CAB39: variants seen among roughly 807,000 people sequenced by gnomAD.
CAB39 encodes calcium binding protein 39, also known as calcium-binding protein 39.
In CAB39, 8 loss-of-function variants were observed where a neutral mutation model predicts 40.0. The ratio of observed to expected loss-of-function variants is 0.20; its 90% CI spans 0.12 to 0.36. The LOEUF (loss-of-function observed/expected upper bound fraction) is 0.36, where lower values mean the gene tolerates loss of function less well. Among genes scored for constraint, CAB39 ranks in the 10% least tolerant of loss-of-function variants. CAB39 has a pLI of 1.00. For missense variants in CAB39, 270 were observed against 401.1 expected, an observed-to-expected ratio of 0.67 and a Z score of 2.79; for synonymous variants, 156 against 141.6, an observed-to-expected ratio of 1.10 and a Z score of -0.72.
chr2:230,775,317 C>T (rs1695567555), intron 2 of CAB39, among the ~76,000 whole-genome samples: 1 of 148,214 alleles, frequency 6.7e-6, no homozygotes, highest in African/African-American at 2.5e-5. Flanking sequence ...CTCACCGCAA[C>T]CTCCGCCTCC....
chr2:230,741,594 G>C (rs573187858), intron 1 of CAB39, among the ~76,000 whole-genome samples: 1 of 152,230 alleles, frequency 6.6e-6, no homozygotes, highest in East Asian at 1.9e-4. Context: ...TCCTGCCTCA[G>C]CCTCCTGAGT....
chr2:230,733,939 A>T (rs1445577532), intron 1 of CAB39, among the ~76,000 whole-genome samples: 1 of 152,186 alleles, frequency 6.6e-6, no homozygotes, highest in Non-Finnish European at 1.5e-5. Flanking sequence ...TTTACACTTT[A>T]ATTTTTTTCT....
Position 230,724,819 on chromosome 2 carries a change from G to T in CAB39, c.-44+11589G>T, listed in dbSNP as rs1331990097. 4.3e-4 allele frequency among the ~76,000 whole-genome samples: 61 copies of T among 142,622 alleles called. 1 individual carries two copies. In the Admixed American group the frequency reaches 4.4e-3, roughly 10 times the overall value. 93.6% of individuals were successfully genotyped at this position (142,622 alleles called of 152,430 possible). A position where few individuals can be genotyped will look rare whatever the true frequency, so the allele number is the denominator to read the frequency against. ...AAAAAACTTTACAAGGACAGTGACT[G>T]TTGTGCCAAAAAAGGAGCCAAATGG... is the stretch of plus-strand genomic sequence containing the variant. On this transcript the variant is annotated intron_variant, in intron 1 of 8. Coordinates refer to ENST00000258418, the MANE Select transcript of CAB39 (RefSeq NM_016289.4).
intron 5 of CAB39, chr2:230,799,113 A>T: frequency 2.2e-6 from 1 of 453,100 alleles, no homozygotes; most frequent in Non-Finnish European, 3.9e-6. Context: ...AAAAGACAAA[A>T]GTCCTGTGTG....
intron 1 of CAB39, among the ~76,000 whole-genome samples, chr2:230,754,464 TCTTCCCCTCCTA>T (rs1695153248): frequency 7.1e-6 from 1 of 141,138 alleles, no homozygotes; most frequent in African/African-American, 2.7e-5. Context: ...TTTCCCTCCT[TCTTCCCCTCCTA>T]CTCCTTCCGC....
chr2:230,810,773 C>G (rs1696290555), intron 6 of CAB39, among the ~76,000 whole-genome samples: 1 of 152,186 alleles, frequency 6.6e-6, no homozygotes, highest in Non-Finnish European at 1.5e-5. Context: ...GTGGCCATGG[C>G]CAAGGCAGTT....
chr2:230,801,128 G>A (rs1244400746), intron 5 of CAB39, among the ~76,000 whole-genome samples: 1 of 152,194 alleles, frequency 6.6e-6, no homozygotes, highest in Non-Finnish European at 1.5e-5. Flanking sequence ...GGAAGGAGCT[G>A]AGAGGAGAGG....
intron 4 of CAB39, among the ~76,000 whole-genome samples, chr2:230,797,751 G>A (rs1696014070): frequency 6.6e-6 from 1 of 151,214 alleles, no homozygotes; most frequent in Non-Finnish European, 1.5e-5. Flanking sequence ...CAAGAAATGG[G>A]AACAGTCAGA....
intron 5 of CAB39, among the ~76,000 whole-genome samples, chr2:230,803,598 C>G (rs1311018407): frequency 6.6e-6 from 1 of 152,190 alleles, no homozygotes; most frequent in African/African-American, 2.4e-5. Context: ...CACAAGCATT[C>G]TTATACACCA....
At chr2:230,759,435 AGATACTATCAATTT>A (rs1391869183) in intron 1 of CAB39, among the ~76,000 whole-genome samples, 8 of 152,232 alleles carry the variant, frequency 5.3e-5, no homozygotes, top group African/African-American at 1.7e-4. Context: ...GCTGTAAAAT[AGATACTATCAATTT>A]GATGTACAGT....
intron 4 of CAB39, among the ~76,000 whole-genome samples, chr2:230,797,570 C>T (rs192400314): frequency 1.4e-3 from 209 of 151,980 alleles, no homozygotes; most frequent in African/African-American, 4.8e-3. Flanking sequence ...TGATTTGAGA[C>T]ACGTTGAGTT....
At chr2:230,716,095 C>T (rs1285410925) in intron 1 of CAB39, among the ~76,000 whole-genome samples, 2 of 152,152 alleles carry the variant, frequency 1.3e-5, no homozygotes. Context: ...ATGTATTTTA[C>T]ATTCTAAGGT....
chr2:230,767,944 A>C (rs559642665), intron 2 of CAB39, among the ~76,000 whole-genome samples: 2 of 152,244 alleles, frequency 1.3e-5, no homozygotes, highest in South Asian at 4.1e-4. Context: ...CCTCTATTTA[A>C]AATGCAACCC....
At chr2:230,796,812 C>T (rs1695994775) in intron 4 of CAB39, among the ~76,000 whole-genome samples, 1 of 152,062 alleles carries the variant, frequency 6.6e-6, no homozygotes, top group Admixed American at 6.6e-5. Context: ...TTAGAATTTA[C>T]ACAGGCAGAA....
At chr2:230,802,055 C>T (rs1696099709) in intron 5 of CAB39, among the ~76,000 whole-genome samples, 1 of 152,020 alleles carries the variant, frequency 6.6e-6, no homozygotes, top group Admixed American at 6.6e-5. Context: ...GGTAGCCTCA[C>T]CAGACTGTGC....
intron 6 of CAB39, among the ~76,000 whole-genome samples, chr2:230,810,596 G>A (rs773246231): frequency 2.0e-5 from 3 of 152,186 alleles, no homozygotes; most frequent in Admixed American, 6.5e-5. Flanking sequence ...AAGATAGTAG[G>A]AAAATTATCT....
chr2:230,797,542 A>C (rs1696008451), intron 4 of CAB39, among the ~76,000 whole-genome samples: 1 of 146,318 alleles, frequency 6.8e-6, no homozygotes, highest in Non-Finnish European at 1.5e-5. Flanking sequence ...GGGTGATTTT[A>C]TGGAGGGGGA....
At chr2:230,804,457 C>A (rs1485804548) in intron 5 of CAB39, among the ~76,000 whole-genome samples, 1 of 152,154 alleles carries the variant, frequency 6.6e-6, no homozygotes, top group Non-Finnish European at 1.5e-5. Context: ...AGTGAACAGG[C>A]ACCCTACAGA....
chr2:230,723,930 A>G (rs1694502641), intron 1 of CAB39, among the ~76,000 whole-genome samples: 1 of 152,180 alleles, frequency 6.6e-6, no homozygotes, highest in South Asian at 2.1e-4. Context: ...TCACCGCCAC[A>G]TACCAATTCA....
Sources: gnomAD v4.1 joint callset for allele counts (sites outside exome capture counted in the v4.1 genomes callset) on GRCh38, gnomAD v4.1.1 for gene constraint, MANE v1.5 for transcripts, NCBI Gene and HGNC (gene_info 2026-07-23, HGNC 2026-07-21) for gene names.